ARMH3: variants seen among roughly 807,000 people sequenced by gnomAD.
ARMH3 encodes the protein armadillo like helical domain containing 3, also known as armadillo-like helical domain-containing protein 3.
A neutral mutation model predicts 99.1 loss-of-function variants in ARMH3; 60 were observed. The observed-to-expected ratio is 0.61, with a 90% CI of 0.49 to 0.75. The LOEUF is 0.75. Ranked by LOEUF, ARMH3 falls within the 30% of genes least tolerant of loss-of-function variation. ARMH3 has a pLI of 0.00. For synonymous variants in ARMH3, 285 were observed against 292.8 expected (o/e 0.97, Z 0.27); for missense variants, 679 against 843.1 (o/e 0.81, Z 2.41).
chr10:101,853,958 C>T (rs905323674), intron 24 of ARMH3, among the ~76,000 whole-genome samples: 2 of 152,068 alleles, frequency 1.3e-5, no homozygotes, highest in African/African-American at 4.8e-5. Flanking sequence ...ACTAAAAATA[C>T]AAAAATTAGC....
rs1490895007 is a variant in ARMH3, at chr10:101,889,427, T to C, written c.1845A>G (p.Gln615=). 6.2e-7 allele frequency: 1 copy of C among 1,613,704 alleles called. No individual in the cohort carries two copies. Among genetic ancestry groups the C allele is most frequent in the South Asian group, 1.1e-5 (1 of 91,074 alleles). ...AGTGGCTTACCTGCTCCTCTGACAGTTGGGATATGTGATTCACAGCAGCGT... is the reference window on the plus strand; with the variant it reads ...AGTGGCTTACCTGCTCCTCTGACAGCTGGGATATGTGATTCACAGCAGCGT... The part of the protein sequence containing the change: ...ESYAAVNHIS[Q]LSEEQVLEVV... The change falls in exon 24 of 26, where the codon CAA becomes CAG. Residue 615 remains glutamine (Q), a synonymous_variant. Coordinates refer to ENST00000370033, the MANE Select transcript of ARMH3 (RefSeq NM_024541.3).
At chr10:101,924,720 G>A (rs188874482) in intron 23 of ARMH3, among the ~76,000 whole-genome samples, 3 of 152,260 alleles carry the variant, frequency 2.0e-5, no homozygotes, top group Admixed American at 1.3e-4. Context: ...ATGGCCAGGA[G>A]TAGCGGCTCA....
chr10:102,033,388 G>C (rs2136210852), intron 2 of ARMH3, 49 bp from the exon 3 acceptor site: 1 of 1,546,478 alleles, frequency 6.5e-7, no homozygotes, highest in Non-Finnish European at 8.8e-7. Context: ...AACACCAAAA[G>C]CATTAAGAAT....
chr10:101,877,301 T>C (rs755360864), intron 24 of ARMH3, among the ~76,000 whole-genome samples: 25 of 152,030 alleles, frequency 1.6e-4, no homozygotes, highest in Non-Finnish European at 3.7e-4. Flanking sequence ...AGATTAAGGC[T>C]GCAGTGAGCC....
intron 24 of ARMH3, among the ~76,000 whole-genome samples, chr10:101,874,097 C>G (rs1297773146): frequency 6.6e-6 from 1 of 152,146 alleles, no homozygotes; most frequent in Non-Finnish European, 1.5e-5. Context: ...AAAGACAGAT[C>G]TACTCTACAG....
intron 15 of ARMH3, among the ~76,000 whole-genome samples, chr10:101,996,752 C>T (rs1451487868): frequency 6.6e-6 from 1 of 152,108 alleles, no homozygotes; most frequent in African/African-American, 2.4e-5. Context: ...AAAGCATATA[C>T]ACACAAAACA....
chr10:101,970,053 T>C (rs1420766119), intron 20 of ARMH3, among the ~76,000 whole-genome samples: 1 of 152,228 alleles, frequency 6.6e-6, no homozygotes, highest in Non-Finnish European at 1.5e-5. Flanking sequence ...ACTATTTAAA[T>C]GCAGCCTGCC....
chr10:102,030,664 G>A (rs892785491), intron 4 of ARMH3, among the ~76,000 whole-genome samples: 11 of 152,024 alleles, frequency 7.2e-5, no homozygotes, highest in Non-Finnish European at 1.5e-4. Flanking sequence ...AGCCGAGATC[G>A]CTCCATTGCA....
chr10:102,034,941 T>C (rs975412400), intron 2 of ARMH3, among the ~76,000 whole-genome samples: 19 of 151,356 alleles, frequency 1.3e-4, no homozygotes, highest in Admixed American at 2.0e-4. Context: ...AAAATAAAAA[T>C]AAATAAGTAA....
chr10:102,018,915 C>T (rs1564853582), intron 8 of ARMH3, among the ~76,000 whole-genome samples: 1 of 152,056 alleles, frequency 6.6e-6, no homozygotes, highest in Non-Finnish European at 1.5e-5. Flanking sequence ...CAAGATCATG[C>T]CATTGCACTC....
In ARMH3 at chr10:101,960,192, A is replaced by T. The variant is rs1168212200; in HGVS notation, c.1496-2460T>A. Among the ~76,000 whole-genome samples the T allele has an allele frequency of 2.0e-5, 3 of 152,084 alleles. No homozygotes were observed. The East Asian group carries it at 5.8e-4, about 29-fold the overall frequency. ...GACTCCTTCTCCAAAAAAAAAAAGA[A>T]CTATCTACAGGGAATTTAATAGGCA... On this transcript the variant is annotated intron_variant, in intron 20 of 25. Coordinates refer to ENST00000370033, the MANE Select transcript of ARMH3 (RefSeq NM_024541.3).
chr10:101,999,895 C>T (rs1448784764), intron 15 of ARMH3, among the ~76,000 whole-genome samples: 2 of 151,906 alleles, frequency 1.3e-5, no homozygotes, highest in Non-Finnish European at 2.9e-5. Context: ...CCAGCCTGGT[C>T]AACACAATGA....
At chr10:102,020,880 TA>T in intron 8 of ARMH3, among the ~76,000 whole-genome samples, 1 of 150,208 alleles carries the variant, frequency 6.7e-6, no homozygotes, top group Non-Finnish European at 1.5e-5. Context: ...TATAGTAGTA[TA>T]CAGTAATGTC....
chr10:102,025,606 C>T (rs1482191687), intron 5 of ARMH3, among the ~76,000 whole-genome samples: 1 of 152,052 alleles, frequency 6.6e-6, no homozygotes, highest in African/African-American at 2.4e-5. Context: ...AAAAGGGAAA[C>T]CTAATGGTTA....
At chr10:102,027,115 C>G (rs997486410) in intron 5 of ARMH3, among the ~76,000 whole-genome samples, 5 of 152,020 alleles carry the variant, frequency 3.3e-5, no homozygotes, top group Non-Finnish European at 7.4e-5. Context: ...CCTGTCTCTA[C>G]TACAAATACA....
chr10:101,875,853 C>G (rs1003519217), intron 24 of ARMH3, among the ~76,000 whole-genome samples: 1 of 152,080 alleles, frequency 6.6e-6, no homozygotes, highest in Admixed American at 6.6e-5. Context: ...CTTTTTTTCA[C>G]TAATTACAGA....
At chr10:102,053,602 CT>C (rs2067763322) in intron 1 of ARMH3, among the ~76,000 whole-genome samples, 1 of 152,074 alleles carries the variant, frequency 6.6e-6, no homozygotes, top group Non-Finnish European at 1.5e-5. Flanking sequence ...TATCTCCCCC[CT>C]GCAAAGATTT....
intron 4 of ARMH3, among the ~76,000 whole-genome samples, chr10:102,032,367 A>C (rs1474446017): frequency 6.6e-6 from 1 of 152,132 alleles, no homozygotes; most frequent in Non-Finnish European, 1.5e-5. Context: ...CATAAAGAAC[A>C]GTTTCTTAAT....
chr10:101,916,995 A>T (rs1843117018), intron 23 of ARMH3, among the ~76,000 whole-genome samples: 1 of 152,214 alleles, frequency 6.6e-6, no homozygotes. Flanking sequence ...AGCCTACAGC[A>T]TCAGCTCCCT....
Sources: gnomAD v4.1 joint callset for allele counts (sites outside exome capture counted in the v4.1 genomes callset) on GRCh38, gnomAD v4.1.1 for gene constraint, MANE v1.5 for transcripts, NCBI Gene and HGNC (gene_info 2026-07-23, HGNC 2026-07-21) for gene names.